TSPAN18: variants seen among roughly 807,000 people sequenced by gnomAD.
TSPAN18 encodes the protein tetraspanin 18.
A neutral mutation model predicts 27.3 loss-of-function variants in TSPAN18; 14 were observed. The observed-to-expected ratio is 0.51, with a 90% CI of 0.34 to 0.80. The LOEUF is 0.80. Ranked by LOEUF, TSPAN18 falls within the 30% of genes least tolerant of loss-of-function variation. The pLI, the probability that TSPAN18 is intolerant of heterozygous loss-of-function variation, is 0.01. For missense variants in TSPAN18, 268 were observed against 323.9 expected, an observed-to-expected ratio of 0.83 and a Z score of 1.32; for synonymous variants, 143 against 136.5, an observed-to-expected ratio of 1.05 and a Z score of -0.33.
At chr11:44,875,420 G>A (rs1858303008) in intron 3 of TSPAN18, among the ~76,000 whole-genome samples, 1 of 152,210 alleles carries the variant, frequency 6.6e-6, no homozygotes, top group Non-Finnish European at 1.5e-5. Context: ...GGGCTTCGGA[G>A]GCTAGGGGCT....
At chr11:44,786,705 C>T (rs978962776) in intron 2 of TSPAN18, among the ~76,000 whole-genome samples, 2 of 149,762 alleles carry the variant, frequency 1.3e-5, no homozygotes, top group African/African-American at 2.5e-5. Flanking sequence ...GATCTCGGCT[C>T]ACTGCAACCT....
chr11:44,729,918 C>A, intron 1 of TSPAN18, among the ~76,000 whole-genome samples: 1 of 152,218 alleles, frequency 6.6e-6, no homozygotes, highest in East Asian at 1.9e-4. Context: ...CTGAGTCATC[C>A]GTGTGGCCTT....
At chr11:44,885,482 C>T (rs1010287984) in intron 3 of TSPAN18, among the ~76,000 whole-genome samples, 2 of 152,112 alleles carry the variant, frequency 1.3e-5, no homozygotes, top group Non-Finnish European at 2.9e-5. Flanking sequence ...GTTGGTGGAG[C>T]TGGTGACCGG....
At chr11:44,843,703 C>T (rs1027120743) in intron 2 of TSPAN18, among the ~76,000 whole-genome samples, 4 of 152,182 alleles carry the variant, frequency 2.6e-5, no homozygotes, top group African/African-American at 7.2e-5. Context: ...CCTAGGTGCG[C>T]ATTCTCTTTC....
chr11:44,918,081 C>G, intron 6 of TSPAN18, 35 bp downstream of exon 6: 1 of 1,606,842 alleles, frequency 6.2e-7, no homozygotes, highest in African/African-American at 1.3e-5. Flanking sequence ...CTGCCTCCTG[C>G]TATCAGCAAG....
At chr11:44,749,464 A>C (rs893935833) in intron 1 of TSPAN18, among the ~76,000 whole-genome samples, 117 of 152,324 alleles carry the variant, frequency 7.7e-4, no homozygotes, top group African/African-American at 2.8e-3. Flanking sequence ...AGAAGGATTC[A>C]TTCCCAAGTG....
At chr11:44,926,595 A>G in intron 8 of TSPAN18, 79 bp from the exon 9 acceptor site, 1 of 1,302,466 alleles carries the variant, frequency 7.7e-7, no homozygotes, top group African/African-American at 1.5e-5. Context: ...CCTGCCATGA[A>G]CCCTAGTCCA....
intron 2 of TSPAN18, among the ~76,000 whole-genome samples, chr11:44,802,427 A>T (rs1856501845): frequency 1.3e-5 from 2 of 152,050 alleles, no homozygotes; most frequent in South Asian, 4.1e-4. Context: ...GCCTTCAGAG[A>T]GTTTTAAGCA....
At chr11:44,757,521 C>T (rs1241992854) in intron 1 of TSPAN18, among the ~76,000 whole-genome samples, 4 of 152,086 alleles carry the variant, frequency 2.6e-5, no homozygotes, top group African/African-American at 9.7e-5. Context: ...GGAACTGAGA[C>T]TACAGGCATG....
chr11:44,835,009 C>T (rs1049616528), intron 2 of TSPAN18, among the ~76,000 whole-genome samples: 1 of 152,166 alleles, frequency 6.6e-6, no homozygotes, highest in Non-Finnish European at 1.5e-5. Flanking sequence ...AGCTTTCATC[C>T]TCCACACCCT....
intron 2 of TSPAN18, among the ~76,000 whole-genome samples, chr11:44,851,214 CG>C (rs1423031112): frequency 6.6e-6 from 1 of 152,174 alleles, no homozygotes; most frequent in African/African-American, 2.4e-5. Flanking sequence ...AGTGGGCCAG[CG>C]GGGAATCTCT....
In TSPAN18 at chr11:44,930,875, A is replaced by C. The variant is rs1199534951; in HGVS notation, c.*1697A>C. On this transcript the variant is annotated 3_prime_UTR_variant, in exon 10 of 10. Coordinates refer to ENST00000520358, the MANE Select transcript of TSPAN18 (RefSeq NM_130783.5). ...GTCCCTCTTCAGGAAGAAAGAGCTCATTCTGTCTCACAAGCCACCGGCATC... is the reference window on the plus strand; with the variant it reads ...GTCCCTCTTCAGGAAGAAAGAGCTCCTTCTGTCTCACAAGCCACCGGCATC... 1 of 521,922 alleles carries C rather than the reference A, an allele frequency of 1.9e-6. No individual in the cohort carries two copies. The highest frequency in any genetic ancestry group is 2.0e-5 in the Admixed American group (1 of 49,812). The allele number at this position is 521,922 out of a possible 1,614,324, so 32.3% of individuals were successfully genotyped here. A position where few individuals can be genotyped will look rare whatever the true frequency, so the allele number is the denominator to read the frequency against.
At chr11:44,917,765 T>C in intron 5 of TSPAN18, 1 of 593,224 alleles carries the variant, frequency 1.7e-6, no homozygotes, top group Non-Finnish European at 3.0e-6. Context: ...TTTATTCTTT[T>C]CATATTTTGA....
chr11:44,854,145 C>T (rs762937111), intron 2 of TSPAN18, among the ~76,000 whole-genome samples: 4 of 140,084 alleles, frequency 2.9e-5, no homozygotes, highest in African/African-American at 8.0e-5. Context: ...TACACATACA[C>T]ACATGCCTGT....
intron 3 of TSPAN18, among the ~76,000 whole-genome samples, chr11:44,888,365 G>T (rs924190844): frequency 3.9e-5 from 6 of 152,184 alleles, no homozygotes; most frequent in African/African-American, 1.4e-4. Flanking sequence ...ATGTTGGAAA[G>T]TGCTTAGTAT....
Position 44,837,449 on chromosome 11 carries a change from C to T in TSPAN18, c.-152-22879C>T, listed in dbSNP as rs1160948286. 3.3e-5 allele frequency among the ~76,000 whole-genome samples: 5 copies of T among 152,188 alleles called. No homozygotes were observed. In the East Asian group the frequency reaches 9.6e-4, roughly 29 times the overall value. On this transcript the variant is annotated intron_variant, in intron 2 of 9. Coordinates refer to ENST00000520358, the MANE Select transcript of TSPAN18 (RefSeq NM_130783.5). Reference sequence around the variant, plus strand: ...ATAAGCAAAGAGATGGAAACTACTCCTGGTAAAGTTGCTTTAAACATTGTT... The same window carrying T: ...ATAAGCAAAGAGATGGAAACTACTCTTGGTAAAGTTGCTTTAAACATTGTT...
At chr11:44,745,599 G>C (rs1855052972) in intron 1 of TSPAN18, among the ~76,000 whole-genome samples, 1 of 152,164 alleles carries the variant, frequency 6.6e-6, no homozygotes, top group African/African-American at 2.4e-5. Flanking sequence ...TCTGGGTGCT[G>C]GTGTGTTCAT....
intron 4 of TSPAN18, among the ~76,000 whole-genome samples, chr11:44,908,199 G>A (rs1032075420): frequency 1.2e-4 from 19 of 152,116 alleles, no homozygotes; most frequent in Middle Eastern, 3.4e-3. Context: ...CCCTAAGGTC[G>A]CCTACAAATG....
At chr11:44,897,711 G>A in intron 3 of TSPAN18, 1 of 1,241,026 alleles carries the variant, frequency 8.1e-7, no homozygotes, top group Non-Finnish European at 1.1e-6. Flanking sequence ...GCTCTTTATT[G>A]ACTTCCTGTA....
Sources: gnomAD v4.1 joint callset for allele counts (sites outside exome capture counted in the v4.1 genomes callset) on GRCh38, gnomAD v4.1.1 for gene constraint, MANE v1.5 for transcripts, NCBI Gene and HGNC (gene_info 2026-07-23, HGNC 2026-07-21) for gene names.